RAD52: variants seen among roughly 807,000 people sequenced by gnomAD.
RAD52 encodes the protein DNA repair protein RAD52 homolog.
RAD52 carries 47 observed loss-of-function variants against 55.5 expected under a neutral mutation model. The observed-to-expected ratio is 0.85, with a 90% CI of 0.67 to 1.08. RAD52 has a LOEUF of 1.08. Among genes scored for constraint, RAD52 ranks in the 50% least tolerant of loss-of-function variants. The probability of loss-of-function intolerance (pLI) is 0.00; values close to 1 mark genes in which losing one functional copy is unlikely to be tolerated. For synonymous variants in RAD52, 184 were observed against 198.9 expected, an observed-to-expected ratio of 0.92 and a Z score of 0.63; for missense variants, 468 against 522.8, an observed-to-expected ratio of 0.90 and a Z score of 1.02.
chr12:973,910 G>A (rs971528151), intron 1 of RAD52, among the ~76,000 whole-genome samples: 4 of 150,944 alleles, frequency 2.6e-5, no homozygotes, highest in Non-Finnish European at 4.4e-5. Flanking sequence ...TCAGCTTCTC[G>A]AGTAACCGGG....
upstream of RAD52, among the ~76,000 whole-genome samples, chr12:950,038 G>A (rs1415436638): frequency 6.6e-6 from 1 of 152,174 alleles, no homozygotes; most frequent in Admixed American, 6.5e-5. Flanking sequence ...CACTTCACAT[G>A]CCCAGTGCCC....
At chr12:982,269 T>C (rs1959027608) in intron 1 of RAD52, among the ~76,000 whole-genome samples, 1 of 152,356 alleles carries the variant, frequency 6.6e-6, no homozygotes, top group African/African-American at 2.4e-5. Context: ...TCTTCCTGGC[T>C]TGCGCTGAGA....
intron 1 of RAD52, among the ~76,000 whole-genome samples, chr12:938,227 A>G (rs188455203): frequency 1.8e-4 from 28 of 152,356 alleles, no homozygotes; most frequent in Admixed American, 7.8e-4. Flanking sequence ...TGATGGACGC[A>G]CTAAGAAGGT....
chr12:957,466 CAAAAAAAAA>C (rs71055109), intron 1 of RAD52, among the ~76,000 whole-genome samples: 651 of 44,078 alleles, frequency 0.015, 5 homozygotes, highest in African/African-American at 0.057. Flanking sequence ...AACTTCGTCT[CAAAAAAAAA>C]AAAAAAAAAA....
At chr12:920,522 T>C (rs1956666672) in intron 7 of RAD52, among the ~76,000 whole-genome samples, 1 of 150,128 alleles carries the variant, frequency 6.7e-6, no homozygotes, top group Admixed American at 6.7e-5. Context: ...GCACCGCCAC[T>C]GCACTCCAGC....
At position 916,437 on chromosome 12, in the gene RAD52, T is replaced by G. The variant is rs1224924569; in HGVS notation, c.772A>C (p.Lys258Gln). The G allele has an allele frequency of 6.2e-7, 1 of 1,607,942 alleles. No individual in the cohort carries two copies. The highest frequency in any genetic ancestry group is 8.5e-7 in the Non-Finnish European group (1 of 1,179,290). The change falls in exon 9 of 12, where the codon AAG becomes CAG. Residue 258 changes from lysine (K) to glutamine (Q), a missense_variant. Transcript: ENST00000358495. ...TGCTGCAGCTGCTTCTGCCGGAGCT[T>G]CCGCTGGTGCGTGGCCTCGCTCTCC... is the stretch of plus-strand genomic sequence containing the variant. ...AVESEATHQRKLRQKQLQQQF... is the reference protein window; with the variant it reads ...AVESEATHQRQLRQKQLQQQF...
chr12:930,219 T>C (rs1475002543), intron 3 of RAD52, 75 bp from the exon 4 acceptor site: 2 of 1,186,312 alleles, frequency 1.7e-6, no homozygotes, highest in African/African-American at 3.1e-5. Context: ...AAAATTGACA[T>C]AATTTATTCC....
At chr12:942,305 A>G (rs544622936) in intron 1 of RAD52, among the ~76,000 whole-genome samples, 1 of 152,234 alleles carries the variant, frequency 6.6e-6, no homozygotes, top group African/African-American at 2.4e-5. Flanking sequence ...CAGTCATCTT[A>G]ATTTCCAAAA....
upstream of RAD52, among the ~76,000 whole-genome samples, chr12:952,554 G>T (rs1253589075): frequency 6.6e-6 from 1 of 152,004 alleles, no homozygotes; most frequent in Non-Finnish European, 1.5e-5. Flanking sequence ...GTAGGATGAG[G>T]TCATACTCAA....
rs1956185991 is a variant in RAD52 at position 913,129 on chromosome 12, T to G, written c.*262A>C. ...ATTAACATAATAGTTCAGTAATAAA[T>G]AGTGGGAAGCCTCACAAGCCGAAGA... On this transcript the variant is annotated 3_prime_UTR_variant, in exon 12 of 12. Coordinates refer to ENST00000358495, the MANE Select transcript of RAD52 (RefSeq NM_134424.4). 2 of 399,226 alleles carry G rather than the reference T, an allele frequency of 5.0e-6. No individual in the cohort carries two copies. Among genetic ancestry groups the G allele is most frequent in the Admixed American group, 8.6e-5 (2 of 23,262 alleles). 24.7% of individuals were successfully genotyped at this position (399,226 alleles called of 1,614,324 possible). A position where few individuals can be genotyped will look rare whatever the true frequency, so the allele number is the denominator to read the frequency against.
At position 948,667 on chromosome 12, in the gene RAD52, T is replaced by TA. The variant is rs199931099; in HGVS notation, c.-19+934_-19+935insT. On this transcript the variant is annotated intron_variant, in intron 1 of 11. Transcript: ENST00000358495. ...AGCGAGACTATGTCTCCACTTTTTT[T>TA]TAAAAAAGGGAGTGAATTTAATTGT... 2.6e-3 allele frequency among the ~76,000 whole-genome samples: 382 copies of TA among 149,462 alleles called. 2 individuals carry two copies. Among genetic ancestry groups the TA allele is most frequent in the African/African-American group, 8.7e-3 (361 of 41,342 alleles).
At chr12:961,798 G>A (rs1419639570) in intron 1 of RAD52, among the ~76,000 whole-genome samples, 2 of 152,124 alleles carry the variant, frequency 1.3e-5, no homozygotes, top group African/African-American at 2.4e-5. Flanking sequence ...AGGAGGCAGA[G>A]GTTGCAGTAA....
chr12:970,044 C>T (rs1368717594), intron 1 of RAD52, among the ~76,000 whole-genome samples: 5 of 140,330 alleles, frequency 3.6e-5, no homozygotes, highest in Non-Finnish European at 4.6e-5. Context: ...CGCGGTGACT[C>T]ATGCCTATAA....
chr12:935,374 G>T (rs1373209860), intron 1 of RAD52, among the ~76,000 whole-genome samples: 1 of 138,964 alleles, frequency 7.2e-6, no homozygotes, highest in Non-Finnish European at 1.6e-5. Flanking sequence ...ACCATCACCT[G>T]TGAATCTTTT....
chr12:957,499 A>C (rs1958624426), intron 1 of RAD52, among the ~76,000 whole-genome samples: 1 of 145,198 alleles, frequency 6.9e-6, no homozygotes, highest in African/African-American at 2.5e-5. Flanking sequence ...AAGAATTGTC[A>C]TTTTGTATGG....
At chr12:978,877 A>T (rs1958970877) in intron 1 of RAD52, among the ~76,000 whole-genome samples, 1 of 144,162 alleles carries the variant, frequency 6.9e-6, no homozygotes, top group East Asian at 2.1e-4. Context: ...CTTAAAAAAA[A>T]AGTAGATGAT....
chr12:927,501 A>G (rs1409474031), intron 5 of RAD52, among the ~76,000 whole-genome samples: 1 of 151,986 alleles, frequency 6.6e-6, no homozygotes, highest in Non-Finnish European at 1.5e-5. Context: ...CAACTTCCCA[A>G]CACACAAAGG....
At chr12:947,474 C>A (rs1050231628) in intron 1 of RAD52, among the ~76,000 whole-genome samples, 1 of 149,602 alleles carries the variant, frequency 6.7e-6, no homozygotes, top group Non-Finnish European at 1.5e-5. Flanking sequence ...ACGGTGAAAC[C>A]CTGTCTCTAC....
chr12:988,267 A>C (rs1048589005), intron 1 of RAD52, among the ~76,000 whole-genome samples: 1 of 152,196 alleles, frequency 6.6e-6, no homozygotes, highest in African/African-American at 2.4e-5. Context: ...ATTTATTTTA[A>C]ATTTCAAGAT....
Sources: gnomAD v4.1 joint callset for allele counts (sites outside exome capture counted in the v4.1 genomes callset) on GRCh38, gnomAD v4.1.1 for gene constraint, MANE v1.5 for transcripts, NCBI Gene and HGNC (gene_info 2026-07-23, HGNC 2026-07-21) for gene names.